The following DDAH1 variants were observed in gnomAD, a reference collection of about 807,000 sequenced individuals.
DDAH1 encodes the protein dimethylarginine dimethylaminohydrolase 1.
Under a neutral mutation model 28.8 loss-of-function variants are expected in DDAH1, and 19 were observed. The ratio of observed to expected loss-of-function variants is 0.66; its 90% CI spans 0.46 to 0.97. DDAH1 has a LOEUF of 0.97. Among genes scored for constraint, DDAH1 ranks in the 50% least tolerant of loss-of-function variants. DDAH1 has a pLI of 0.00. For missense variants in DDAH1, 326 were observed against 375.9 expected (o/e 0.87, Z 1.10); for synonymous variants, 153 against 154.4 (o/e 0.99, Z 0.07).
chr1:85,386,992 G>A (rs572695480), intron 1 of DDAH1, among the ~76,000 whole-genome samples: 1 of 152,302 alleles, frequency 6.6e-6, no homozygotes, highest in South Asian at 2.1e-4. Context: ...GGGGGGTAGT[G>A]TCCTGAGGTG....
At chr1:85,420,648 T>C (rs1218215993) in intron 1 of DDAH1, among the ~76,000 whole-genome samples, 2 of 152,214 alleles carry the variant, frequency 1.3e-5, no homozygotes, top group Non-Finnish European at 2.9e-5. Flanking sequence ...TGGACTTCAC[T>C]GTGCATACCA....
intron 1 of DDAH1, among the ~76,000 whole-genome samples, chr1:85,387,355 C>T (rs904345387): frequency 2.6e-5 from 4 of 152,226 alleles, no homozygotes; most frequent in Admixed American, 6.5e-5. Flanking sequence ...GAAGCAGCTA[C>T]ACCACTTCTT....
intron 1 of DDAH1, chr1:85,399,028 T>G (rs12402128): frequency 6.6e-6 from 1 of 152,044 alleles, no homozygotes; most frequent in Non-Finnish European, 1.5e-5. Flanking sequence ...TATGATAGAA[T>G]TGCTACCGAC....
chr1:85,381,010 G>C (rs984146456), intron 1 of DDAH1, among the ~76,000 whole-genome samples: 2 of 151,182 alleles, frequency 1.3e-5, no homozygotes, highest in African/African-American at 4.9e-5. Context: ...GCCAAGACAG[G>C]TGGATTACCT....
At position 85,321,065 on chromosome 1, in the gene DDAH1, G is replaced by GAAAAAAAAAAAAAAAAAAAA. The variant is rs550307646; in HGVS notation, c.*386_*387insTTTTTTTTTTTTTTTTTTTT. ...TTCACAGGAACCAAACATGATTCATGAAAAAAAAAAAAAAAAAAAGCAAGC... is the reference window on the plus strand; with the variant it reads ...TTCACAGGAACCAAACATGATTCATGAAAAAAAAAAAAAAAAAAAAAAAAAAAAAAAAAAAAAAAGCAAGC... On this transcript the variant is annotated 3_prime_UTR_variant, in exon 6 of 6. Transcript: ENST00000284031. 2.7e-5 allele frequency: 2 copies of GAAAAAAAAAAAAAAAAAAAA among 73,290 alleles called. 1 individual carries two copies. Among genetic ancestry groups the GAAAAAAAAAAAAAAAAAAAA allele is most frequent in the Non-Finnish European group, 5.2e-5 (2 of 38,530 alleles). 4.5% of individuals were successfully genotyped at this position (73,290 alleles called of 1,614,324 possible).
At chr1:85,340,106 G>T (rs1195932339) in intron 4 of DDAH1, among the ~76,000 whole-genome samples, 3 of 152,150 alleles carry the variant, frequency 2.0e-5, no homozygotes, top group Non-Finnish European at 4.4e-5. Context: ...AAAATAAATG[G>T]AAAAGGGTAA....
intron 2 of DDAH1, among the ~76,000 whole-genome samples, chr1:85,489,323 G>C (rs980005911): frequency 5.9e-5 from 9 of 152,314 alleles, no homozygotes; most frequent in Non-Finnish European, 1.3e-4. Context: ...AGAAGGCAGA[G>C]ACAGAGTAAA....
At chr1:85,460,168 C>T (rs1354069342) in intron 1 of DDAH1, among the ~76,000 whole-genome samples, 4 of 152,144 alleles carry the variant, frequency 2.6e-5, no homozygotes, top group Non-Finnish European at 5.9e-5. Flanking sequence ...TTAGCTATAG[C>T]TATTAGACAT....
chr1:85,461,448 A>C (rs1039091175), intron 1 of DDAH1, among the ~76,000 whole-genome samples: 5 of 152,204 alleles, frequency 3.3e-5, no homozygotes, highest in Admixed American at 2.0e-4. Flanking sequence ...TGTTTTGATT[A>C]AGAAGGAATT....
At chr1:85,475,401 C>T (rs1406043263) in intron 2 of DDAH1, among the ~76,000 whole-genome samples, 1 of 152,182 alleles carries the variant, frequency 6.6e-6, no homozygotes, top group African/African-American at 2.4e-5. Flanking sequence ...AAAGGTTACT[C>T]CCTTTCCTCT....
In DDAH1 at chr1:85,431,157, T is replaced by C. The variant is rs564278669; in HGVS notation, c.303+33586A>G. Among the ~76,000 whole-genome samples, 3 of 152,262 alleles carry C rather than the reference T, an allele frequency of 2.0e-5. No homozygotes were observed. The South Asian group carries it at 6.2e-4, about 32-fold the overall frequency. On this transcript the variant is annotated intron_variant, in intron 1 of 5. Coordinates refer to ENST00000284031, the MANE Select transcript of DDAH1 (RefSeq NM_012137.4). ...TGCATGTATTGAGATAATCATGTGG[T>C]TTTTGTCATTGGTTCTGTTTATGTG...
At chr1:85,576,251 T>A (rs1458601138) in intron 1 of DDAH1, among the ~76,000 whole-genome samples, 3 of 152,112 alleles carry the variant, frequency 2.0e-5, no homozygotes, top group African/African-American at 7.2e-5. Flanking sequence ...GGGGATGACA[T>A]GAGATTTGGC....
intron 1 of DDAH1, among the ~76,000 whole-genome samples, chr1:85,562,700 C>A (rs1181447669): frequency 6.6e-6 from 1 of 152,102 alleles, no homozygotes; most frequent in Non-Finnish European, 1.5e-5. Flanking sequence ...CTGGAAGCCA[C>A]CAGAAGCTAG....
intron 1 of DDAH1, among the ~76,000 whole-genome samples, chr1:85,377,541 G>A (rs1454447261): frequency 3.3e-5 from 5 of 152,094 alleles, no homozygotes; most frequent in Non-Finnish European, 7.4e-5. Context: ...TAGGCAGGCA[G>A]GTACATTTTT....
intron 1 of DDAH1, among the ~76,000 whole-genome samples, chr1:85,432,447 T>G (rs1000111865): frequency 6.6e-6 from 1 of 152,186 alleles, no homozygotes; most frequent in Non-Finnish European, 1.5e-5. Flanking sequence ...CTAAATATCA[T>G]CAAATCTATT....
intron 1 of DDAH1, among the ~76,000 whole-genome samples, chr1:85,387,760 A>G (rs1651351993): frequency 6.6e-6 from 1 of 152,096 alleles, no homozygotes; most frequent in Non-Finnish European, 1.5e-5. Context: ...TTTTCTGTCT[A>G]TGATGCTATA....
In DDAH1 at chr1:85,501,715, C is replaced by T. The variant is rs980929284; in HGVS notation, c.-122-5434G>A. 2.6e-5 allele frequency among the ~76,000 whole-genome samples: 4 copies of T among 152,160 alleles called. No individual in the cohort carries two copies. The East Asian group carries it at 7.7e-4, about 29-fold the overall frequency. On this transcript the variant is annotated intron_variant, in intron 1 of 6. Coordinates refer to the DDAH1 transcript ENST00000426972. ...GTTTCATCTCATGTGTTTCCCTTTT[C>T]CCAGGGATCAAAGTTCAACACTGGG...
chr1:85,478,965 A>G (rs1655895376), intron 2 of DDAH1, among the ~76,000 whole-genome samples: 1 of 152,186 alleles, frequency 6.6e-6, no homozygotes, highest in Non-Finnish European at 1.5e-5. Context: ...TTCTAGAAAT[A>G]TGGTGAAACT....
rs547418094 is a variant in DDAH1, at chr1:85,557,428, A to C, written c.-123+20556T>G. Among the ~76,000 whole-genome samples, 10 of 152,330 alleles carry C rather than the reference A, an allele frequency of 6.6e-5. No homozygotes were observed. The South Asian group carries it at 1.0e-3, about 16-fold the overall frequency. On this transcript the variant is annotated intron_variant, in intron 1 of 6. Transcript: ENST00000426972. ...TATGTGCTTGTGCCATCCTCATTTG[A>C]GAGATGAGAATACTGAAGTGTAGAA...
Sources: allele counts gnomAD v4.1 joint callset (sites outside exome capture counted in the v4.1 genomes callset), GRCh38; gene constraint gnomAD v4.1.1; transcripts MANE v1.5; gene names NCBI Gene and HGNC (gene_info 2026-07-23, HGNC 2026-07-21).